Variants in TTN observed in about 807,000 individuals in gnomAD.
TTN encodes the protein titin, also known as connectin.
A neutral mutation model predicts 3,223.0 loss-of-function variants in TTN; 1,525 were observed. The observed-to-expected ratio is 0.47, with a 90% confidence interval of 0.45 to 0.49. TTN has a LOEUF of 0.49. Among genes scored for constraint, TTN ranks in the 20% least tolerant of loss-of-function variants. The pLI, the probability that TTN is intolerant of heterozygous loss-of-function variation, is 0.00. For synonymous variants in TTN, 14,094 were observed against 15,161.0 expected (o/e 0.93, Z 5.17); for missense variants, 40,786 against 43,424.0 (o/e 0.94, Z 5.40).
chr2:178,548,447 C>T lies in TTN; in HGVS notation c.93179G>A (p.Arg31060His), dbSNP rs776018262. ...TTCACTGATAACCTGCCAACTACGG[C>T]GACTTGCCTCTCGTTTCTCTACCAC... ...HYVVEKREASRRSWQVISEKC... is the reference protein window; with the variant it reads ...HYVVEKREASHRSWQVISEKC... The change falls in exon 339 of 363, where the codon CGC (arginine) becomes CAC (histidine). Residue 31060 changes from arginine (R) to histidine (H), a missense_variant. Arg to His is a conservative substitution (Grantham distance 29). Coordinates refer to ENST00000589042, the MANE Select transcript of TTN (RefSeq NM_001267550.2). This position sits in a 1 kb window ranked among gnomAD's most constrained non-coding sequence, Gnocchi z 4.3. The T allele has an allele frequency of 2.5e-5, 41 of 1,613,724 alleles. No individual in the cohort carries two copies. The highest frequency in any genetic ancestry group is 7.7e-5 in the South Asian group (7 of 91,084).
At chr2:178,613,122 T>C (rs757504614) in intron 264 of TTN, 39 bp downstream of exon 264, 1 of 1,609,694 alleles carries the variant, frequency 6.2e-7, no homozygotes, top group Admixed American at 1.7e-5. Flanking sequence ...GGAGTTCATA[T>C]GAACTTCGAA....
chr2:178,620,851 G>A lies in TTN; in HGVS notation c.45759C>T (p.Tyr15253=), dbSNP rs760747130. The stretch of plus-strand genomic sequence containing the variant: ...AGACTAGGTCTTTTTGGAGAATGAT[G>A]TATTTTGAACTATCAAATATAGCTT... ...NEEAIFDSSK[Y]IILQKDLVYT... is the part of the protein sequence containing the mutation. Residue 15253 remains tyrosine, a synonymous_variant, in exon 247 of 363, where the codon TAC becomes TAT. Transcript: ENST00000589042. 4 of 1,612,330 alleles carry A rather than the reference G, an allele frequency of 2.5e-6. No homozygotes were observed. Among genetic ancestry groups the A allele is most frequent in the Non-Finnish European group, 3.4e-6 (4 of 1,179,098 alleles).
intron 13 of TTN, among the ~76,000 whole-genome samples, chr2:178,786,959 T>C (rs1472434550): frequency 1.3e-5 from 2 of 152,168 alleles, no homozygotes; most frequent in Non-Finnish European, 2.9e-5. Flanking sequence ...GCAGAGGAGG[T>C]TCTCTTTTAA....
chr2:178,733,560 G>A, intron 53 of TTN, 43 bp from the exon 54 acceptor site: 1 of 1,596,646 alleles, frequency 6.3e-7, no homozygotes, highest in Non-Finnish European at 8.6e-7. Flanking sequence ...TGCTTGTTAG[G>A]GTTTCACTTT....
At position 178,696,090 on chromosome 2, in the gene TTN, G is replaced by A. The variant is rs1287100869; in HGVS notation, c.30982C>T (p.Pro10328Ser). Residue 10328 changes from proline to serine, a missense_variant, in exon 114 of 363, where the codon CCA becomes TCA. By Grantham distance (74) the Pro-to-Ser change is moderately conservative. Transcript: ENST00000589042. ...EEPYDELEVEPYTEPFEQPYY... is the reference protein window; with the variant it reads ...EEPYDELEVESYTEPFEQPYY... ...GGTTGTTCAAATGGCTCTGTGTATG[G>A]TTCTACCTCCAGTTCGTCATAAGGT... 2 of 1,551,024 alleles carry A rather than the reference G, an allele frequency of 1.3e-6. No individual in the cohort carries two copies. Among genetic ancestry groups the A allele is most frequent in the Non-Finnish European group, 1.7e-6 (2 of 1,146,694 alleles).
chr2:178,695,775 A>C (rs2073590119), intron 114 of TTN, 90 bp downstream of exon 114: 2 of 1,053,924 alleles, frequency 1.9e-6, no homozygotes, highest in Non-Finnish European at 2.6e-6. Flanking sequence ...ATTTCACATA[A>C]ACTGCAAATC....
chr2:178,726,000 T>C lies in TTN; in HGVS notation c.20322A>G (p.Lys6774=). The change falls in exon 70 of 363, where the codon AAA becomes AAG. Residue 6774 remains lysine, a synonymous_variant. Transcript: ENST00000589042. ...CACATTCAAGACTGACTTCAGCATTTTTAAGGGTTTCTACTATAGGAGGGA... is the reference window on the plus strand; with the variant it reads ...CACATTCAAGACTGACTTCAGCATTCTTAAGGGTTTCTACTATAGGAGGGA... ...SSFPPIVETL[K]NAEVSLECEL... is the part of the protein sequence containing the mutation. 6.3e-7 allele frequency: 1 copy of C among 1,596,042 alleles called. No homozygotes were observed. Among genetic ancestry groups the C allele is most frequent in the South Asian group, 1.1e-5 (1 of 87,814 alleles).
chr2:178,651,982 G>T lies in TTN; in HGVS notation c.39296-15C>A, dbSNP rs768629521. The T allele has an allele frequency of 1.9e-6, 3 of 1,610,734 alleles. No homozygotes were observed. The highest frequency in any genetic ancestry group is 2.5e-6 in the Non-Finnish European group (3 of 1,178,392). ...CTCCTCGAACACTTTAAAGACATGA[G>T]CTCATTTTAATGCCAGAATTGACTA... On this transcript the variant is annotated splice_polypyrimidine_tract_variant and intron_variant, in intron 204 of 362. Transcript: ENST00000589042.
rs2078042798 is a variant in TTN at position 178,719,671 on chromosome 2, T to C, written c.23821A>G (p.Asn7941Asp). Residue 7941 changes from asparagine (N) to aspartate (D), a missense_variant, in exon 82 of 363, where the codon AAT becomes GAT. By Grantham distance (23) the Asn-to-Asp change is conservative. Coordinates refer to ENST00000589042, the MANE Select transcript of TTN (RefSeq NM_001267550.2). ...ADSKHHITFI[N>D]KVASLKIPCA... is the part of the protein sequence containing the mutation. ...GGGATTTTAAGGGAAGCCACTTTAT[T>C]GATGAATGTAATGTGATGTTTGCTG... 3 of 1,613,620 alleles carry C rather than the reference T, an allele frequency of 1.9e-6. No homozygotes were observed. Among genetic ancestry groups the C allele is most frequent in the South Asian group, 2.2e-5 (2 of 91,078 alleles).
chr2:178,592,997 C>T lies in TTN; in HGVS notation c.59122G>A (p.Gly19708Ser), dbSNP rs1484810602. 6.2e-7 allele frequency: 1 copy of T among 1,613,454 alleles called. No homozygotes were observed. Among genetic ancestry groups the T allele is most frequent in the Admixed American group, 1.7e-5 (1 of 59,970 alleles). Reference sequence around the variant, plus strand: ...ATATAACCCAGAATCTTGCTCCCACCATCATGACGTGGTGGCTGCCAAGTT... The same window carrying T: ...ATATAACCCAGAATCTTGCTCCCACTATCATGACGTGGTGGCTGCCAAGTT... ...DLTWQPPRHD[G>S]GSKILGYIVE... The change falls in exon 300 of 363, where the codon GGT becomes AGT. Residue 19708 changes from glycine (G) to serine (S), a missense_variant. Physicochemically the swap from Gly to Ser is moderately conservative, Grantham distance 56. Coordinates refer to ENST00000589042, the MANE Select transcript of TTN (RefSeq NM_001267550.2).
intron 326 of TTN, chr2:178,558,900 G>T (rs564706345): frequency 1.7e-4 from 78 of 468,364 alleles, no homozygotes; most frequent in Non-Finnish European, 2.6e-4. Flanking sequence ...AATTCACCAT[G>T]GGGATAAAAA....
chr2:178,793,669 G>A (rs182649933), intron 8 of TTN, 128 bp from the exon 9 acceptor site: 48 of 1,272,486 alleles, frequency 3.8e-5, no homozygotes, highest in South Asian at 1.8e-4. Context: ...GTGTGGTGGC[G>A]CACACCTGTA....
In TTN at chr2:178,527,210, TG is replaced by T; in HGVS notation, c.107777del (p.Pro35926GlnfsTer3). ...TTCCACCACAGGACCATGTTACTTC[TG>T]GGGTAGGCTCACCCGTGAAAGCACA... is the stretch of plus-strand genomic sequence containing the variant. Reference protein sequence around the residue: ...VACAFTGEPTPEVTWSCGGRK... With the variant: ...VACAFTGEPTXEVTWSCGGRK... On this transcript the variant is annotated frameshift_variant, in exon 363 of 363. Coordinates refer to ENST00000589042, the MANE Select transcript of TTN (RefSeq NM_001267550.2). LOFTEE classifies it high-confidence loss of function. 1 of 1,613,964 alleles carries T rather than the reference TG, an allele frequency of 6.2e-7. No homozygotes were observed. Among genetic ancestry groups the T allele is most frequent in the East Asian group, 2.2e-5 (1 of 44,876 alleles).
chr2:178,545,439 T>C lies in TTN; in HGVS notation c.95671A>G (p.Asn31891Asp), dbSNP rs1351753792. The C allele has an allele frequency of 6.2e-7, 1 of 1,608,660 alleles. No homozygotes were observed. The highest frequency in any genetic ancestry group is 8.5e-7 in the Non-Finnish European group (1 of 1,175,748). ...FRVTAVNAAG[N>D]SEPSEASNFI... The stretch of plus-strand genomic sequence containing the variant: ...TTGGAAGCTTCGCTGGGCTCACTGT[T>C]ACCAGCTGCATTCACTGCGGTCACC... The change falls in exon 344 of 363, where the codon AAC becomes GAC. Residue 31891 changes from asparagine to aspartate, a missense_variant. Physicochemically the swap from Asn to Asp is conservative, Grantham distance 23. Transcript: ENST00000589042.
At chr2:178,699,139 T>A (rs1203606996) in intron 111 of TTN, among the ~76,000 whole-genome samples, 1 of 151,928 alleles carries the variant, frequency 6.6e-6, no homozygotes, top group Admixed American at 6.6e-5. Context: ...ATCTTACATC[T>A]TCACTGATTT....
Position 178,711,194 on chromosome 2 carries a change from G to C in TTN, c.28042C>G (p.Gln9348Glu), listed in dbSNP as rs794727987. Reference sequence around the variant, plus strand: ...GCTGTATTGTCTAAAAATGATGTTTGTACATTTGGGCTGTCTTTCAATGGC... The same window carrying C: ...GCTGTATTGTCTAAAAATGATGTTTCTACATTTGGGCTGTCTTTCAATGGC... Reference protein sequence around the residue: ...GKPLKDSPNVQTSFLDNTATL... With the variant: ...GKPLKDSPNVETSFLDNTATL... Residue 9348 changes from glutamine to glutamate, a missense_variant, in exon 97 of 363, where the codon CAA becomes GAA. Physicochemically the swap from Gln to Glu is conservative, Grantham distance 29 (BLOSUM62 2). Coordinates refer to ENST00000589042, the MANE Select transcript of TTN (RefSeq NM_001267550.2). The C allele has an allele frequency of 4.3e-6, 7 of 1,613,662 alleles. No homozygotes were observed. The African/African-American group carries it at 8.0e-5, about 18-fold the overall frequency.
At position 178,592,189 on chromosome 2, in the gene TTN, A is replaced by C. The variant is rs1434171505; in HGVS notation, c.59715T>G (p.Gly19905=). ...YLTWKEPLDD[G]GSVITNYVVE... is the part of the protein sequence containing the mutation. ...CCACATAATTGGTAATAACAGAACC[A>C]CCATCATCCAGTGGTTCTTTCCAAG... is the stretch of plus-strand genomic sequence containing the variant. The change falls in exon 302 of 363, where the codon GGT becomes GGG. Residue 19905 remains glycine, a synonymous_variant. Transcript: ENST00000589042. 1 of 1,612,508 alleles carries C rather than the reference A, an allele frequency of 6.2e-7. No homozygotes were observed. Among genetic ancestry groups the C allele is most frequent in the Non-Finnish European group, 8.5e-7 (1 of 1,179,276 alleles).
At position 178,535,415 on chromosome 2, in the gene TTN, C is replaced by G; in HGVS notation, c.101200G>C (p.Glu33734Gln). The change falls in exon 358 of 363, where the codon GAA becomes CAA. Residue 33734 changes from glutamate to glutamine, a missense_variant. Glu to Gln is a conservative substitution (Grantham distance 29, BLOSUM62 2). Transcript: ENST00000589042. ...GCCTGTCCTACACGGAGCCATCTTTCTGCAGTAGTTGCACATTTTTCAACA... is the reference window on the plus strand; with the variant it reads ...GCCTGTCCTACACGGAGCCATCTTTGTGCAGTAGTTGCACATTTTTCAACA... ...YIVEKCATTA[E>Q]RWLRVGQARE... 6.2e-7 allele frequency: 1 copy of G among 1,613,908 alleles called. No homozygotes were observed. The highest frequency in any genetic ancestry group is 8.5e-7 in the Non-Finnish European group (1 of 1,179,818).
chr2:178,584,959 C>A lies in TTN; in HGVS notation c.64682G>T (p.Gly21561Val), dbSNP rs111829923. 19 of 1,612,972 alleles carry A rather than the reference C, an allele frequency of 1.2e-5. No homozygotes were observed. Among genetic ancestry groups the A allele is most frequent in the Non-Finnish European group, 1.5e-5 (18 of 1,179,464 alleles). ...KIKVVVMDAP[G>V]PPQPPFDISD... ...AATGTCAAATGGAGGCTGAGGGGGG[C>A]CGGGGGCATCTACATGAACCAAGAG... Residue 21561 changes from glycine (G) to valine (V), a missense_variant, in exon 310 of 363, where the codon GGC (glycine) becomes GTC (valine). By Grantham distance (109) the Gly-to-Val change is moderately radical. Transcript: ENST00000589042.
Sources: gnomAD v4.1 joint callset for allele counts (sites outside exome capture counted in the v4.1 genomes callset) on GRCh38, gnomAD v4.1.1 for gene constraint, Gnocchi (gnomAD v3.1) non-coding constraint, MANE v1.5 for transcripts, NCBI Gene and HGNC (gene_info 2026-07-23, HGNC 2026-07-21) for gene names.